ATP8A2: variants seen among roughly 807,000 people sequenced by gnomAD.
ATP8A2 encodes the protein ATPase phospholipid transporting 8A2.
Under a neutral mutation model 165.6 loss-of-function variants are expected in ATP8A2, and 100 were observed. The observed-to-expected ratio is 0.60, with a 90% CI of 0.51 to 0.71. The LOEUF (loss-of-function observed/expected upper bound fraction) is 0.71. ATP8A2 is among the 30% of genes least tolerant of loss of function. The probability of loss-of-function intolerance (pLI) is 0.00; values close to 1 mark genes in which losing one functional copy is unlikely to be tolerated. For synonymous variants in ATP8A2, 543 were observed against 548.8 expected (o/e 0.99, Z 0.15); for missense variants, 1,227 against 1,479.5 (o/e 0.83, Z 2.80).
At chr13:25,662,484 T>G (rs1408662970) in intron 24 of ATP8A2, among the ~76,000 whole-genome samples, 1 of 152,208 alleles carries the variant, frequency 6.6e-6, no homozygotes, top group Non-Finnish European at 1.5e-5. Context: ...ATATTTTTTT[T>G]CTTTATTTTA....
chr13:25,918,258 G>A (rs1488168896), intron 33 of ATP8A2, among the ~76,000 whole-genome samples: 6 of 152,222 alleles, frequency 3.9e-5, no homozygotes, highest in African/African-American at 1.4e-4. Context: ...CTGGGTGATA[G>A]ATAGGAGCTT....
At chr13:25,839,694 T>C (rs930221574) in intron 30 of ATP8A2, 70 bp downstream of exon 30, 1 of 1,269,668 alleles carries the variant, frequency 7.9e-7, no homozygotes, top group Non-Finnish European at 1.1e-6. Flanking sequence ...GTGTTCACAA[T>C]TTTTTTTTCC....
At chr13:25,770,552 A>G (rs757694663) in intron 26 of ATP8A2, among the ~76,000 whole-genome samples, 18 of 151,230 alleles carry the variant, frequency 1.2e-4, no homozygotes, top group Non-Finnish European at 2.4e-4. Flanking sequence ...TAATAATAAA[A>G]CTCCAGTCTC....
At chr13:25,819,832 T>TC (rs1951126052) in intron 27 of ATP8A2, among the ~76,000 whole-genome samples, 1 of 152,156 alleles carries the variant, frequency 6.6e-6, no homozygotes, top group African/African-American at 2.4e-5. Context: ...AGATCAAATT[T>TC]CAAAAAAAAC....
intron 2 of ATP8A2, chr13:25,517,344 A>G (rs907903604): frequency 6.6e-6 from 1 of 152,158 alleles, no homozygotes; most frequent in African/African-American, 2.4e-5. Flanking sequence ...TGGTTATCTA[A>G]GAGTTGTTTT....
chr13:25,568,904 G>A (rs976322843), intron 16 of ATP8A2, among the ~76,000 whole-genome samples: 3 of 152,030 alleles, frequency 2.0e-5, no homozygotes, highest in African/African-American at 7.3e-5. Context: ...AATGCAATAG[G>A]AAGAAAACCA....
intron 24 of ATP8A2, among the ~76,000 whole-genome samples, chr13:25,616,187 T>C (rs900733915): frequency 2.0e-5 from 3 of 152,110 alleles, no homozygotes; most frequent in African/African-American, 2.4e-5. Context: ...AATTGAACTT[T>C]CTGAAACTGA....
At chr13:25,867,732 G>A (rs978375521) in intron 33 of ATP8A2, among the ~76,000 whole-genome samples, 9 of 152,108 alleles carry the variant, frequency 5.9e-5, no homozygotes, top group African/African-American at 2.2e-4. Flanking sequence ...GGGCTTCCAG[G>A]ATAGCAGCGA....
intron 2 of ATP8A2, among the ~76,000 whole-genome samples, chr13:25,470,931 G>A (rs1041887750): frequency 1.3e-5 from 2 of 152,064 alleles, no homozygotes; most frequent in African/African-American, 2.4e-5. Context: ...GAGTTATGAG[G>A]TAAATTAGTG....
intron 1 of ATP8A2, among the ~76,000 whole-genome samples, chr13:25,418,131 C>G (rs2034187579): frequency 6.6e-6 from 1 of 152,168 alleles, no homozygotes; most frequent in African/African-American, 2.4e-5. Flanking sequence ...CTCCCATTAG[C>G]AATTAGGGAA....
At chr13:25,863,753 C>A (rs1026949990) in intron 33 of ATP8A2, 1 of 152,250 alleles carries the variant, frequency 6.6e-6, no homozygotes, top group Non-Finnish European at 1.5e-5. Context: ...TAGCCCAGGT[C>A]GTCTGAGACC....
chr13:26,013,413 G>A, intron 36 of ATP8A2, among the ~76,000 whole-genome samples: 1 of 152,186 alleles, frequency 6.6e-6, no homozygotes, highest in East Asian at 1.9e-4. Context: ...GGTGGCTCAC[G>A]CCTGTAATCC....
chr13:25,892,705 A>C (rs1454794444), intron 33 of ATP8A2, among the ~76,000 whole-genome samples: 1 of 151,306 alleles, frequency 6.6e-6, no homozygotes. Flanking sequence ...TGCTCCCTCC[A>C]TCCCCCTCCT....
rs1203211012 is a variant in ATP8A2, at chr13:25,426,729, G to A, written c.77-42248G>A. ...AGGCTGACACGGGTGGATCACCTGA[G>A]GTCAGGAGTTTGAGACCAGCCTGGC... is the stretch of plus-strand genomic sequence containing the variant. On this transcript the variant is annotated intron_variant, in intron 1 of 36. Coordinates refer to ENST00000381655, the MANE Select transcript of ATP8A2 (RefSeq NM_016529.6). 3.3e-5 allele frequency among the ~76,000 whole-genome samples: 5 copies of A among 151,998 alleles called. No individual in the cohort carries two copies. The East Asian group carries it at 9.7e-4, about 29-fold the overall frequency.
intron 1 of ATP8A2, among the ~76,000 whole-genome samples, chr13:25,456,381 C>T (rs1566146344): frequency 6.6e-6 from 1 of 152,226 alleles, no homozygotes; most frequent in Admixed American, 6.5e-5. Flanking sequence ...AAGGCAGACA[C>T]ATAAGCAGAA....
At chr13:25,801,671 C>A (rs1213077706) in intron 27 of ATP8A2, among the ~76,000 whole-genome samples, 2 of 152,096 alleles carry the variant, frequency 1.3e-5, no homozygotes, top group Non-Finnish European at 2.9e-5. Context: ...TGGGTGTGAA[C>A]AAATGTTACT....
At chr13:25,500,803 C>G (rs1341871193) in intron 2 of ATP8A2, among the ~76,000 whole-genome samples, 1 of 152,146 alleles carries the variant, frequency 6.6e-6, no homozygotes, top group Non-Finnish European at 1.5e-5. Flanking sequence ...AGCTGTTCTC[C>G]TGGACTCAAG....
chr13:25,465,696 TTTCTTTCTTTCTTTCTTTC>T (rs1566153158), intron 1 of ATP8A2, among the ~76,000 whole-genome samples: 5 of 20,388 alleles, frequency 2.5e-4, no homozygotes, highest in Admixed American at 6.0e-4. Flanking sequence ...TCTTTCTTTC[TTTCTTTCTTTCTTTCTTTC>T]TTTCTTTCTT....
At chr13:25,389,974 A>AT (rs1440479560) in intron 1 of ATP8A2, among the ~76,000 whole-genome samples, 4 of 132,248 alleles carry the variant, frequency 3.0e-5, no homozygotes, top group Non-Finnish European at 3.3e-5. Flanking sequence ...TTAGGTTTCA[A>AT]TTTTTTGCCT....
Sources: gnomAD v4.1 joint callset for allele counts (sites outside exome capture counted in the v4.1 genomes callset) on GRCh38, gnomAD v4.1.1 for gene constraint, MANE v1.5 for transcripts, NCBI Gene and HGNC (gene_info 2026-07-23, HGNC 2026-07-21) for gene names.